Variants in CCDC102A observed in about 807,000 individuals in gnomAD.
The protein encoded by CCDC102A is coiled-coil domain containing 102A.
In CCDC102A, 40 loss-of-function variants were observed where a neutral mutation model predicts 55.5. The observed-to-expected ratio is 0.72, with a 90% CI of 0.56 to 0.94. The LOEUF is 0.94. Ranked by LOEUF, CCDC102A falls within the 40% of genes least tolerant of loss-of-function variation. The pLI is 0.00. For missense variants in CCDC102A, 779 were observed against 768.6 expected (o/e 1.01, Z -0.16); for synonymous variants, 323 against 339.0 (o/e 0.95, Z 0.52).
chr16:57,516,682 G>A lies in CCDC102A; in HGVS notation c.1249-219C>T. 3.4e-6 allele frequency: 2 copies of A among 587,476 alleles called. No individual in the cohort carries two copies. The highest frequency in any genetic ancestry group is 6.1e-6 in the Non-Finnish European group (2 of 328,840). 36.4% of individuals were successfully genotyped at this position (587,476 alleles called of 1,614,324 possible). Reference sequence around the variant, plus strand: ...AGGGAGGTGAGAAGGCTGGGTGGGTGGAACCTGTGGCTCCGGTTTGGATGT... The same window carrying A: ...AGGGAGGTGAGAAGGCTGGGTGGGTAGAACCTGTGGCTCCGGTTTGGATGT... On this transcript the variant is annotated intron_variant, in intron 6 of 8. Coordinates refer to ENST00000258214, the MANE Select transcript of CCDC102A (RefSeq NM_033212.4). The surrounding 1 kb of genome is among the most constrained non-coding windows in gnomAD (Gnocchi z 4.4).
At chr16:57,534,658 G>A (rs1254123199) in intron 1 of CCDC102A, among the ~76,000 whole-genome samples, 1 of 152,170 alleles carries the variant, frequency 6.6e-6, no homozygotes, top group African/African-American at 2.4e-5. Flanking sequence ...GATGCGTGAT[G>A]GATGGAAGGT....
intron 3 of CCDC102A, among the ~76,000 whole-genome samples, chr16:57,524,993 T>C (rs2032112173): frequency 6.6e-6 from 1 of 152,198 alleles, no homozygotes; most frequent in African/African-American, 2.4e-5. Context: ...CTAACTGACC[T>C]CTAAACTTGG....
In CCDC102A at chr16:57,521,114, A is replaced by G. The variant is rs975553886; in HGVS notation, c.875T>C (p.Ile292Thr). The G allele has an allele frequency of 6.2e-6, 10 of 1,613,530 alleles. No homozygotes were observed. In the African/African-American group the frequency reaches 6.7e-5, roughly 11 times the overall value. ...GGTCTTGCTCAGCTCCTCATACTTGATCTTCCACTGGCTGAGCTCCCCCTC... is the reference window on the plus strand; with the variant it reads ...GGTCTTGCTCAGCTCCTCATACTTGGTCTTCCACTGGCTGAGCTCCCCCTC... Reference protein sequence around the residue: ...KLEGELSQWKIKYEELSKTKQ... With the variant: ...KLEGELSQWKTKYEELSKTKQ... The change falls in exon 4 of 9, where the codon ATC becomes ACC. Residue 292 changes from isoleucine (I) to threonine (T), a missense_variant. Ile to Thr is a moderately conservative substitution (Grantham distance 89). Transcript: ENST00000258214.
rs2032205464 is a variant in CCDC102A at position 57,529,186 on chromosome 16, CG to C, written c.-10del. On this transcript the variant is annotated 5_prime_UTR_variant, in exon 2 of 9. Transcript: ENST00000258214. This position sits in a 1 kb window ranked among gnomAD's most constrained non-coding sequence, Gnocchi z 4.1. ...CTGGGCCCGTGGCTCATGGTGCGGC[CG>C]GGCGGGCCCTGAGCTCGAACTCGCG... is the stretch of plus-strand genomic sequence containing the variant. 4 of 1,178,250 alleles carry C rather than the reference CG, an allele frequency of 3.4e-6. No individual in the cohort carries two copies. In the South Asian group the frequency reaches 1.3e-4, roughly 37 times the overall value. The allele number at this position is 1,178,250 out of a possible 1,614,324, so 73.0% of individuals were successfully genotyped here.
At chr16:57,515,284 G>A (rs767097293) in intron 8 of CCDC102A, 57 bp downstream of exon 8, 24 of 1,128,518 alleles carry the variant, frequency 2.1e-5, no homozygotes, top group Middle Eastern at 1.9e-4. Context: ...GTCCCTGACC[G>A]GAGGGTTCCC....
At chr16:57,514,007 C>T (rs1307026232) in intron 8 of CCDC102A, among the ~76,000 whole-genome samples, 3 of 152,296 alleles carry the variant, frequency 2.0e-5, no homozygotes, top group African/African-American at 4.8e-5. Context: ...AAGACTTACC[C>T]TCTTGGGCCT....
At position 57,519,397 on chromosome 16, in the gene CCDC102A, G is replaced by A. The variant is rs1016396608; in HGVS notation, c.922-656C>T. 2.0e-5 allele frequency among the ~76,000 whole-genome samples: 3 copies of A among 152,244 alleles called. No individual in the cohort carries two copies. The East Asian group carries it at 5.8e-4, about 29-fold the overall frequency. On this transcript the variant is annotated intron_variant, in intron 4 of 8. Transcript: ENST00000258214. ...TGGAAAGCTAGCCTGGGAGGACGGG[G>A]AGCTTGTGCGTCTGTCCACCTTTGT...
rs527539866 is a variant in CCDC102A, at chr16:57,515,500, G to A, written c.1420-56C>T. On this transcript the variant is annotated intron_variant, in intron 7 of 8. Coordinates refer to ENST00000258214, the MANE Select transcript of CCDC102A (RefSeq NM_033212.4). ...GGGTCACCCAGGGCTGGGCAAGGCCGGCCACCCGCCCAGGGAAAACCACTC... is the reference window on the plus strand; with the variant it reads ...GGGTCACCCAGGGCTGGGCAAGGCCAGCCACCCGCCCAGGGAAAACCACTC... 28 of 1,164,756 alleles carry A rather than the reference G, an allele frequency of 2.4e-5. No individual in the cohort carries two copies. In the African/African-American group the frequency reaches 2.4e-4, roughly 10 times the overall value. 72.2% of individuals were successfully genotyped at this position (1,164,756 alleles called of 1,614,324 possible).
intron 2 of CCDC102A, 31 bp downstream of exon 2, chr16:57,528,562 G>T: frequency 8.3e-7 from 1 of 1,200,074 alleles, no homozygotes; most frequent in Non-Finnish European, 1.0e-6. Context: ...CTTCGAGACT[G>T]GAGCGCGAAC....
rs528410997 is a variant in CCDC102A at position 57,517,587 on chromosome 16, G to T, written c.1248+481C>A. On this transcript the variant is annotated intron_variant, in intron 6 of 8. Coordinates refer to ENST00000258214, the MANE Select transcript of CCDC102A (RefSeq NM_033212.4). Reference sequence around the variant, plus strand: ...CCAAAATGCTGACCTCAGGTGATCTGCCCACCCCAGCCTCCCAAAGTGCTG... The same window carrying T: ...CCAAAATGCTGACCTCAGGTGATCTTCCCACCCCAGCCTCCCAAAGTGCTG... 1.7e-3 allele frequency among the ~76,000 whole-genome samples: 253 copies of T among 152,262 alleles called. 4 individuals carry two copies. The South Asian group carries it at 0.019, about 11-fold the overall frequency.
intron 8 of CCDC102A, among the ~76,000 whole-genome samples, chr16:57,513,967 C>T (rs768362977): frequency 1.3e-4 from 20 of 152,182 alleles, no homozygotes; most frequent in Non-Finnish European, 1.9e-4. Context: ...GTGATTCTGC[C>T]TGGCCACCCA....
chr16:57,523,728 C>T (rs2032088699), intron 3 of CCDC102A, among the ~76,000 whole-genome samples: 1 of 151,894 alleles, frequency 6.6e-6, no homozygotes, highest in Admixed American at 6.6e-5. Flanking sequence ...GGTGGATTAC[C>T]TGAGGTCAGG....
At chr16:57,521,564 C>T (rs2032052720) in intron 3 of CCDC102A, among the ~76,000 whole-genome samples, 1 of 152,216 alleles carries the variant, frequency 6.6e-6, no homozygotes, top group Non-Finnish European at 1.5e-5. Context: ...TGTCAAAGAC[C>T]ACCCTGCTCC....
chr16:57,512,754 A>T lies in CCDC102A; in HGVS notation c.1640T>A (p.Ile547Asn). 1 of 1,613,876 alleles carries T rather than the reference A, an allele frequency of 6.2e-7. No homozygotes were observed. The highest frequency in any genetic ancestry group is 8.5e-7 in the Non-Finnish European group (1 of 1,179,866). The change falls in exon 9 of 9, where the codon ATC becomes AAC. Residue 547 changes from isoleucine (I) to asparagine (N), a missense_variant. By Grantham distance (149) the Ile-to-Asn change is moderately radical (BLOSUM62 -3). Transcript: ENST00000258214. ...SDLDEDEDLQ[I>N]QVA ...CCACAGGAAGCTCTAGGCCACCTGG[A>T]TTTGCAGGTCCTCGTCCTCGTCCAG...
intron 3 of CCDC102A, 31 bp from the exon 4 acceptor site, chr16:57,521,207 C>A (rs1285879383): frequency 6.5e-7 from 1 of 1,544,792 alleles, no homozygotes; most frequent in Admixed American, 1.7e-5. Context: ...GGGGTGAGCC[C>A]ACCAAGGCCC....
At position 57,528,717 on chromosome 16, in the gene CCDC102A, C is replaced by A; in HGVS notation, c.461G>T (p.Gly154Val). 2 of 1,136,598 alleles carry A rather than the reference C, an allele frequency of 1.8e-6. No homozygotes were observed. Among genetic ancestry groups the A allele is most frequent in the Non-Finnish European group, 1.1e-6 (1 of 920,702 alleles). 70.4% of individuals were successfully genotyped at this position (1,136,598 alleles called of 1,614,324 possible). The change falls in exon 2 of 9, where the codon GGC becomes GTC. Residue 154 changes from glycine (G) to valine (V), a missense_variant. Gly to Val is a moderately radical substitution (Grantham distance 109, BLOSUM62 -3). Transcript: ENST00000258214. Reference sequence around the variant, plus strand: ...GCCCCTCAGCCGCGCCAGCTCGCGGCCCCGTGCCTCGCACTCGCCCTGCGC... The same window carrying A: ...GCCCCTCAGCCGCGCCAGCTCGCGGACCCGTGCCTCGCACTCGCCCTGCGC... Reference protein sequence around the residue: ...QEAQGECEARGRELARLRGAR... With the variant: ...QEAQGECEARVRELARLRGAR...
chr16:57,536,100 G>T (rs1489307878), intron 1 of CCDC102A, among the ~76,000 whole-genome samples: 8 of 152,138 alleles, frequency 5.3e-5, no homozygotes, highest in African/African-American at 1.7e-4. Context: ...CCGCGGCTCT[G>T]GGCAGGGCGC....
Position 57,512,382 on chromosome 16 carries a change from G to T in CCDC102A, c.*359C>A. ...AGCGAAGCCTAGAGAGGCAGCCCAG[G>T]GTGGGGCTCCAACAACTGCCCCCAA... On this transcript the variant is annotated 3_prime_UTR_variant, in exon 9 of 9. Transcript: ENST00000258214. 1 of 400,420 alleles carries T rather than the reference G, an allele frequency of 2.5e-6. No homozygotes were observed. The highest frequency in any genetic ancestry group is 1.3e-4 in the South Asian group (1 of 7,996). 24.8% of individuals were successfully genotyped at this position (400,420 alleles called of 1,614,324 possible). A position where few individuals can be genotyped will look rare whatever the true frequency, so the allele number is the denominator to read the frequency against.
In CCDC102A at chr16:57,516,178, G is replaced by T; in HGVS notation, c.1419+115C>A. ...ACTCTATCCTGGGCGACTCCTGAGA[G>T]ACAGGCTTGTGCCAGGCACCAGGGG... On this transcript the variant is annotated intron_variant, in intron 7 of 8. Coordinates refer to ENST00000258214, the MANE Select transcript of CCDC102A (RefSeq NM_033212.4). This position sits in a 1 kb window ranked among gnomAD's most constrained non-coding sequence, Gnocchi z 4.4. 9.4e-7 allele frequency: 1 copy of T among 1,059,686 alleles called. No individual in the cohort carries two copies. The highest frequency in any genetic ancestry group is 1.5e-5 in the South Asian group (1 of 66,656). 65.6% of individuals were successfully genotyped at this position (1,059,686 alleles called of 1,614,324 possible). A position where few individuals can be genotyped will look rare whatever the true frequency, so the allele number is the denominator to read the frequency against.
Sources: allele counts gnomAD v4.1 joint callset (sites outside exome capture counted in the v4.1 genomes callset), GRCh38; gene constraint gnomAD v4.1.1; non-coding constraint Gnocchi (gnomAD v3.1); transcripts MANE v1.5; gene names NCBI Gene and HGNC (gene_info 2026-07-23, HGNC 2026-07-21).